Variants in CACNA1E observed in about 807,000 individuals in gnomAD.
CACNA1E encodes voltage-dependent R-type calcium channel subunit alpha-1E.
A neutral mutation model predicts 259.2 loss-of-function variants in CACNA1E; 40 were observed. The observed-to-expected ratio is 0.15, with a 90% confidence interval of 0.12 to 0.20. CACNA1E has a LOEUF of 0.20. Ranked by LOEUF, CACNA1E falls within the 10% of genes least tolerant of loss-of-function variation. The pLI is 1.00. For synonymous variants in CACNA1E, 1,104 were observed against 1,138.5 expected, an observed-to-expected ratio of 0.97 and a Z score of 0.61; for missense variants, 1,874 against 3,040.1, an observed-to-expected ratio of 0.62 and a Z score of 9.02.
intron 45 of CACNA1E, 138 bp downstream of exon 45, chr1:181,793,931 C>A: frequency 3.2e-6 from 3 of 926,590 alleles, no homozygotes; most frequent in South Asian, 3.6e-5. Context: ...GCTCATGGGT[C>A]GTCTCTAATA....
chr1:181,787,807 A>C, intron 43 of CACNA1E, among the ~76,000 whole-genome samples: 1 of 152,156 alleles, frequency 6.6e-6, no homozygotes, highest in East Asian at 1.9e-4. Context: ...GTGGTAAGAG[A>C]AAGTATGGTA....
At chr1:181,762,440 TA>T (rs1290305778) in intron 32 of CACNA1E, 133 bp from the exon 33 acceptor site, 3 of 633,676 alleles carry the variant, frequency 4.7e-6, no homozygotes, top group Non-Finnish European at 5.6e-6. Context: ...GAAGCCAAAG[TA>T]AGAGTGAACT....
intron 3 of CACNA1E, among the ~76,000 whole-genome samples, chr1:181,521,251 G>A (rs1666976044): frequency 6.6e-6 from 1 of 152,206 alleles, no homozygotes; most frequent in South Asian, 2.1e-4. Context: ...GGGGGTCCCT[G>A]CATCTCACCT....
Position 181,806,001 on chromosome 1 carries a change from G to A in CACNA1E, c.*7167G>A, listed in dbSNP as rs1237536038. 4 of 152,242 alleles carry A rather than the reference G, an allele frequency of 2.6e-5. No homozygotes were observed. The highest frequency in any genetic ancestry group is 5.9e-5 in the Non-Finnish European group (4 of 68,048). The allele number at this position is 152,242 out of a possible 1,614,324, so 9.4% of individuals were successfully genotyped here. A position where few individuals can be genotyped will look rare whatever the true frequency, so the allele number is the denominator to read the frequency against. ...ACTTCTTAGCACAAGACTGGATTAA[G>A]AGAAGTTCTTTCTGTTAAACTCACC... On this transcript the variant is annotated 3_prime_UTR_variant, in exon 48 of 48. Transcript: ENST00000367573.
At chr1:181,621,914 G>A (rs923396651) in intron 6 of CACNA1E, among the ~76,000 whole-genome samples, 6 of 152,118 alleles carry the variant, frequency 3.9e-5, no homozygotes, top group Admixed American at 6.5e-5. Flanking sequence ...CAGCTGTGGC[G>A]AGGGTCATAC....
chr1:181,709,470 C>G (rs1042451818), intron 7 of CACNA1E, among the ~76,000 whole-genome samples: 1 of 152,222 alleles, frequency 6.6e-6, no homozygotes, highest in Non-Finnish European at 1.5e-5. Flanking sequence ...AGGTGTGACA[C>G]GAACAGGTGT....
chr1:181,690,743 G>A (rs942898288), intron 7 of CACNA1E, among the ~76,000 whole-genome samples: 1 of 152,084 alleles, frequency 6.6e-6, no homozygotes, highest in Admixed American at 6.6e-5. Context: ...TAGTAATTGT[G>A]AATGGGAGGT....
chr1:181,796,066 TC>T (rs1173355041), intron 46 of CACNA1E, among the ~76,000 whole-genome samples: 3 of 152,130 alleles, frequency 2.0e-5, no homozygotes. Flanking sequence ...TTAACCAAGA[TC>T]CTATATTGTG....
intron 3 of CACNA1E, among the ~76,000 whole-genome samples, chr1:181,517,019 A>G (rs192317166): frequency 2.1e-4 from 32 of 152,208 alleles, no homozygotes; most frequent in Admixed American, 1.3e-3. Flanking sequence ...ATTGCTGAAT[A>G]CCCACTGTGT....
intron 7 of CACNA1E, among the ~76,000 whole-genome samples, chr1:181,692,165 A>G (rs1344339966): frequency 6.6e-6 from 1 of 152,198 alleles, no homozygotes; most frequent in Non-Finnish European, 1.5e-5. Context: ...GAAATCATAG[A>G]TGACACAAAA....
chr1:181,598,469 C>T (rs911243957), intron 6 of CACNA1E, among the ~76,000 whole-genome samples: 36 of 152,024 alleles, frequency 2.4e-4, no homozygotes, highest in African/African-American at 8.0e-4. Flanking sequence ...TGGGCAGAAG[C>T]GTGGTGGAGG....
At chr1:181,461,489 C>T (rs1218262016) in intron 2 of CACNA1E, among the ~76,000 whole-genome samples, 2 of 146,434 alleles carry the variant, frequency 1.4e-5, no homozygotes, top group Admixed American at 7.0e-5. Flanking sequence ...TGCAGTGAGC[C>T]GAGATTGCAC....
At chr1:181,667,921 T>C (rs548887664) in intron 7 of CACNA1E, among the ~76,000 whole-genome samples, 28 of 152,238 alleles carry the variant, frequency 1.8e-4, no homozygotes, top group African/African-American at 6.5e-4. Flanking sequence ...AGGTCCTATG[T>C]ATTCTTCTCC....
intron 6 of CACNA1E, among the ~76,000 whole-genome samples, chr1:181,641,703 GTTT>G (rs751082929): frequency 0.26 from 20,839 of 80,426 alleles, 1,597 homozygotes; most frequent in South Asian, 0.4. Flanking sequence ...CTAATTTTTT[GTTT>G]TTTTTTTTTT....
At chr1:181,583,579 C>G (rs1156566616) in intron 6 of CACNA1E, among the ~76,000 whole-genome samples, 3 of 152,188 alleles carry the variant, frequency 2.0e-5, no homozygotes, top group African/African-American at 7.2e-5. Context: ...AAATGCTTCC[C>G]TCATGTTTGC....
At chr1:181,407,708 T>A (rs1353487136) in intron 1 of CACNA1E, among the ~76,000 whole-genome samples, 2 of 152,152 alleles carry the variant, frequency 1.3e-5, no homozygotes, top group African/African-American at 4.8e-5. Context: ...AATCCCTAGA[T>A]GAATATTTAT....
chr1:181,510,326 A>G (rs988408331), intron 1 of CACNA1E, 151 bp from the exon 2 acceptor site: 3 of 634,996 alleles, frequency 4.7e-6, no homozygotes, highest in Admixed American at 2.2e-5. Context: ...AGGACCATCC[A>G]CTGTCTTGCC....
intron 3 of CACNA1E, among the ~76,000 whole-genome samples, chr1:181,549,799 C>T (rs771060148): frequency 1.3e-5 from 2 of 152,148 alleles, no homozygotes; most frequent in South Asian, 2.1e-4. Flanking sequence ...CCGTGGAGAA[C>T]GGCATGCATG....
chr1:181,503,496 C>T (rs888519669), intron 1 of CACNA1E, among the ~76,000 whole-genome samples: 2 of 152,188 alleles, frequency 1.3e-5, no homozygotes, highest in African/African-American at 4.8e-5. Flanking sequence ...TGCTCTTTTC[C>T]TGGAGGCCCA....
Sources: gnomAD v4.1 joint callset for allele counts (sites outside exome capture counted in the v4.1 genomes callset) on GRCh38, gnomAD v4.1.1 for gene constraint, MANE v1.5 for transcripts, NCBI Gene and HGNC (gene_info 2026-07-23, HGNC 2026-07-21) for gene names.